Variants in ZFP28 observed in about 807,000 individuals in gnomAD.
ZFP28 encodes the protein zinc finger protein 28 homolog.
Under a neutral mutation model 39.5 loss-of-function variants are expected in ZFP28, and 31 were observed. The observed-to-expected ratio is 0.79, with a 90% CI of 0.59 to 1.06. The LOEUF is 1.06. ZFP28 is among the 50% of genes least tolerant of loss of function. The probability of loss-of-function intolerance (pLI) is 0.00; values close to 1 mark genes in which losing one functional copy is unlikely to be tolerated. For missense variants in ZFP28, 925 were observed against 1,048.4 expected (o/e 0.88, Z 1.63); for synonymous variants, 400 against 378.6 (o/e 1.06, Z -0.66).
chr19:56,539,498 C>A, intron 1 of ZFP28, 127 bp from the exon 2 acceptor site: 1 of 820,704 alleles, frequency 1.2e-6, no homozygotes, highest in Non-Finnish European at 1.9e-6. Context: ...CCTATCTCCA[C>A]GTTGTGGCAG....
Position 56,539,674 on chromosome 19 carries a change from G to A in ZFP28, c.258G>A (p.Leu86=), listed in dbSNP as rs1259570718. ...TALPQERNKK[L]EAVGTGIEPK... ...TTCCCCAGGAGAGAAACAAGAAGCTGGAGGCTGTGGGGACAGGAATTGAAC... is the reference window on the plus strand; with the variant it reads ...TTCCCCAGGAGAGAAACAAGAAGCTAGAGGCTGTGGGGACAGGAATTGAAC... Residue 86 remains leucine, a synonymous_variant, in exon 2 of 8, where the codon CTG becomes CTA. Coordinates refer to ENST00000301318, the MANE Select transcript of ZFP28 (RefSeq NM_020828.2). 3 of 1,614,186 alleles carry A rather than the reference G, an allele frequency of 1.9e-6. No individual in the cohort carries two copies. The highest frequency in any genetic ancestry group is 2.5e-6 in the Non-Finnish European group (3 of 1,180,018).
intron 1 of ZFP28, 46 bp downstream of exon 1, chr19:56,539,272 A>G (rs1367147464): frequency 1.2e-5 from 18 of 1,532,864 alleles, no homozygotes; most frequent in Non-Finnish European, 1.4e-5. Context: ...GGACGAATTC[A>G]TCTCGGGATG....
intron 7 of ZFP28, 133 bp from the exon 8 acceptor site, chr19:56,553,549 AAT>A: frequency 8.4e-7 from 1 of 1,189,738 alleles, no homozygotes; most frequent in Admixed American, 2.8e-5. Flanking sequence ...CCCTAAATGT[AAT>A]AGTTTTTAGA....
rs143354661 is a variant in ZFP28 at position 56,553,720 on chromosome 19, C to T, written c.935C>T (p.Pro312Leu). 1.2e-6 allele frequency: 2 copies of T among 1,611,628 alleles called. No homozygotes were observed. Among genetic ancestry groups the T allele is most frequent in the Non-Finnish European group, 1.7e-6 (2 of 1,179,180 alleles). ...RSVHETQELF[P>L]KQDSYAEGVT... ...GTACATGAGACCCAGGAATTATTTC[C>T]AAAGCAAGATTCATATGCTGAAGGG... The change falls in exon 8 of 8, where the codon CCA becomes CTA. Residue 312 changes from proline to leucine, a missense_variant. Around this residue, in one of 2 missense-constraint regions of ZFP28, gnomAD observed 556 missense variants for 542.9 expected, o/e 1.02. Coordinates refer to ENST00000301318, the MANE Select transcript of ZFP28 (RefSeq NM_020828.2).
chr19:56,549,255 A>AT, intron 5 of ZFP28, 134 bp downstream of exon 5: 1 of 1,036,728 alleles, frequency 9.6e-7, no homozygotes, highest in Non-Finnish European at 1.4e-6. Flanking sequence ...TAGACAGATT[A>AT]TCCCCTCAGA....
Position 56,550,049 on chromosome 19 carries a change from G to A in ZFP28, c.688-18G>A, listed in dbSNP as rs757432682. On this transcript the variant is annotated intron_variant, in intron 5 of 7. Coordinates refer to ENST00000301318, the MANE Select transcript of ZFP28 (RefSeq NM_020828.2). ...ACGAACATGGTTTGATTTAAAAAAC[G>A]TGCTTTTACCATTGCAGGGCTTGGT... 1.1e-5 allele frequency: 17 copies of A among 1,594,522 alleles called. No homozygotes were observed. The highest frequency in any genetic ancestry group is 5.2e-5 in the Admixed American group (3 of 57,254).
Position 56,555,350 on chromosome 19 carries a change from T to C in ZFP28, c.2565T>C (p.Phe855=), listed in dbSNP as rs1389080733. Residue 855 remains phenylalanine, a synonymous_variant, in exon 8 of 8, where the codon TTT becomes TTC. Transcript: ENST00000301318. ...CCACGTCAAATCCTGTGGATCTGTT[T>C]CCCAAATTTCTCTGGAATCCATCCT... ...LPSTSNPVDL[F]PKFLWNPSSL... is the part of the protein sequence containing the mutation. The C allele has an allele frequency of 6.2e-7, 1 of 1,613,050 alleles. No homozygotes were observed. The highest frequency in any genetic ancestry group is 2.2e-5 in the East Asian group (1 of 44,848).
chr19:56,552,840 T>C (rs994009756), intron 7 of ZFP28: 1 of 152,326 alleles, frequency 6.6e-6, no homozygotes, highest in Non-Finnish European at 1.5e-5. Context: ...TTTCTTTCTT[T>C]CCTTCTCATT....
chr19:56,546,687 G>A (rs993180536), intron 2 of ZFP28: 1 of 151,898 alleles, frequency 6.6e-6, no homozygotes, highest in South Asian at 2.1e-4. Context: ...TTAGAACCCA[G>A]TTTAGTCATG....
In ZFP28 at chr19:56,554,333, C is replaced by T. The variant is rs775215420; in HGVS notation, c.1548C>T (p.Asp516=). The part of the protein sequence containing the change: ...DCIDCGKAFS[D]HIGLNQHRRI... The stretch of plus-strand genomic sequence containing the variant: ...TCGATTGTGGGAAAGCCTTCAGTGA[C>T]CACATAGGGCTTAATCAACACAGGA... Residue 516 remains aspartate (D), a synonymous_variant, in exon 8 of 8, where the codon GAC becomes GAT. Transcript: ENST00000301318. The surrounding 1 kb of genome is among the most constrained non-coding windows in gnomAD (Gnocchi z 6.7). 6 of 1,613,910 alleles carry T rather than the reference C, an allele frequency of 3.7e-6. No homozygotes were observed. The African/African-American group carries it at 8.0e-5, about 22-fold the overall frequency.
intron 7 of ZFP28, 127 bp from the exon 8 acceptor site, chr19:56,553,557 T>C (rs1308208561): frequency 7.9e-7 from 1 of 1,270,558 alleles, no homozygotes; most frequent in Non-Finnish European, 1.1e-6. Context: ...GTAATAGTTT[T>C]TAGAGCTGTA....
Position 56,549,918 on chromosome 19 carries a change from T to A in ZFP28, c.688-149T>A, listed in dbSNP as rs1434918426. 4.9e-6 allele frequency: 3 copies of A among 608,674 alleles called. No individual in the cohort carries two copies. The East Asian group carries it at 8.4e-5, about 17-fold the overall frequency. The allele number at this position is 608,674 out of a possible 1,614,324, so 37.7% of individuals were successfully genotyped here. A position where few individuals can be genotyped will look rare whatever the true frequency, so the allele number is the denominator to read the frequency against. ...AAACATGTATGCTATAACTAAGCCC[T>A]GTCATTATTTGACCTGGTGTACCAG... On this transcript the variant is annotated intron_variant, in intron 5 of 7. Transcript: ENST00000301318.
chr19:56,548,072 G>A (rs2044259965), intron 4 of ZFP28, among the ~76,000 whole-genome samples, 170 bp downstream of exon 4: 1 of 152,132 alleles, frequency 6.6e-6, no homozygotes, highest in Non-Finnish European at 1.5e-5. Flanking sequence ...TTCCAGAACA[G>A]CAAATTATTA....
rs1022136995 is a variant in ZFP28 at position 56,550,111 on chromosome 19, G to A, written c.732G>A (p.Gln244=). The change falls in exon 6 of 8, where the codon CAG becomes CAA. Residue 244 remains glutamine (Q), a synonymous_variant. Coordinates refer to ENST00000301318, the MANE Select transcript of ZFP28 (RefSeq NM_020828.2). ...IKNLAVDFRQ[Q]LHPAQKNFCK... ...ACCTGGCTGTTGACTTCCGCCAGCA[G>A]CTACACCCAGCTCAGAAGAATTTCT... 1 of 1,613,236 alleles carries A rather than the reference G, an allele frequency of 6.2e-7. No individual in the cohort carries two copies. Among genetic ancestry groups the A allele is most frequent in the African/African-American group, 1.3e-5 (1 of 74,924 alleles).
intron 2 of ZFP28, among the ~76,000 whole-genome samples, chr19:56,541,049 C>T (rs2044191168): frequency 6.6e-6 from 1 of 152,166 alleles, no homozygotes; most frequent in Non-Finnish European, 1.5e-5. Context: ...TGGCTCCTCC[C>T]AGATTCACAT....
chr19:56,543,342 ATATATG>A (rs1381327946), intron 2 of ZFP28, among the ~76,000 whole-genome samples: 1 of 146,766 alleles, frequency 6.8e-6, no homozygotes, highest in Non-Finnish European at 1.5e-5. Context: ...AGAATATATT[ATATATG>A]TATATTTTAT....
At chr19:56,551,159 A>C in intron 7 of ZFP28, 1 of 995,854 alleles carries the variant, frequency 1.0e-6, no homozygotes, top group Non-Finnish European at 1.2e-6. Context: ...GACAAAGGAG[A>C]TGTTGTTCCC....
chr19:56,549,540 G>A (rs1442808697), intron 5 of ZFP28, among the ~76,000 whole-genome samples: 1 of 152,126 alleles, frequency 6.6e-6, no homozygotes, highest in Non-Finnish European at 1.5e-5. Context: ...AGCCGGGCGT[G>A]CTGGCGGGCG....
intron 7 of ZFP28, chr19:56,551,338 C>A: frequency 1.0e-6 from 1 of 986,970 alleles, no homozygotes; most frequent in Non-Finnish European, 1.2e-6. Context: ...GAATATAAAA[C>A]CGTGACGTTA....
Sources: allele counts gnomAD v4.1 joint callset (sites outside exome capture counted in the v4.1 genomes callset), GRCh38; gene constraint gnomAD v4.1.1; regional missense constraint gnomAD v4.1.1; non-coding constraint Gnocchi (gnomAD v3.1); transcripts MANE v1.5; gene names NCBI Gene and HGNC (gene_info 2026-07-23, HGNC 2026-07-21).